Variants in GREB1L observed in about 807,000 individuals in gnomAD.
GREB1L encodes the protein GREB1-like protein.
GREB1L carries 17 observed loss-of-function variants against 200.8 expected under a neutral mutation model. The observed-to-expected ratio is 0.08, with a 90% CI of 0.06 to 0.13. The LOEUF is 0.13. Among genes scored for constraint, GREB1L ranks in the 10% least tolerant of loss-of-function variants. The pLI is 1.00. For missense variants in GREB1L, 1,657 were observed against 2,367.7 expected (o/e 0.70, Z 6.23); for synonymous variants, 789 against 893.0 (o/e 0.88, Z 2.08).
chr18:21,247,947 T>C (rs1353682983), intron 1 of GREB1L, among the ~76,000 whole-genome samples: 2 of 152,174 alleles, frequency 1.3e-5, no homozygotes, highest in Non-Finnish European at 2.9e-5. Flanking sequence ...CTTCTGATAC[T>C]GAAGCACTGT....
chr18:21,441,044 C>T (rs1338724956), intron 9 of GREB1L, among the ~76,000 whole-genome samples: 1 of 152,186 alleles, frequency 6.6e-6, no homozygotes, highest in African/African-American at 2.4e-5. Context: ...TCCTTCTTCA[C>T]ACTTTTCTAT....
intron 2 of GREB1L, among the ~76,000 whole-genome samples, chr18:21,368,398 A>G (rs1473553534): frequency 6.6e-6 from 1 of 152,228 alleles, no homozygotes; most frequent in Non-Finnish European, 1.5e-5. Flanking sequence ...AAGAAGATGG[A>G]AAGACAGGAG....
At chr18:21,469,068 A>G in intron 15 of GREB1L, among the ~76,000 whole-genome samples, 1 of 152,194 alleles carries the variant, frequency 6.6e-6, no homozygotes, top group East Asian at 1.9e-4. Context: ...GTGATTTAAA[A>G]TCTTGTGGAA....
intron 23 of GREB1L, among the ~76,000 whole-genome samples, chr18:21,505,206 C>T (rs556707390): frequency 4.6e-5 from 7 of 152,162 alleles, no homozygotes; most frequent in Non-Finnish European, 7.4e-5. Flanking sequence ...TCTGCAGAGA[C>T]GAATGCTGGG....
At chr18:21,344,644 A>G (rs2039318331) in intron 1 of GREB1L, among the ~76,000 whole-genome samples, 1 of 152,358 alleles carries the variant, frequency 6.6e-6, no homozygotes, top group African/African-American at 2.4e-5. Flanking sequence ...AAAAATGAAT[A>G]AAACACAAAC....
At chr18:21,412,850 C>G (rs1479993031) in intron 7 of GREB1L, among the ~76,000 whole-genome samples, 5 of 151,894 alleles carry the variant, frequency 3.3e-5, no homozygotes, top group Admixed American at 6.5e-5. Flanking sequence ...CACCCCCCCC[C>G]ACCACCAAAC....
chr18:21,421,150 G>T (rs2032114969), intron 7 of GREB1L, among the ~76,000 whole-genome samples: 1 of 152,246 alleles, frequency 6.6e-6, no homozygotes, highest in South Asian at 2.1e-4. Flanking sequence ...ATTACAAAGA[G>T]GTACAAGGAA....
At chr18:21,329,783 C>CT (rs2039079639) in intron 1 of GREB1L, among the ~76,000 whole-genome samples, 1 of 152,148 alleles carries the variant, frequency 6.6e-6, no homozygotes, top group African/African-American at 2.4e-5. Context: ...TCCTCTGCTG[C>CT]TGAGGGAACA....
intron 21 of GREB1L, among the ~76,000 whole-genome samples, chr18:21,497,097 G>A (rs1428453087): frequency 6.6e-6 from 1 of 152,142 alleles, no homozygotes; most frequent in African/African-American, 2.4e-5. Context: ...GGCACAAAAT[G>A]TTTCCTAGAA....
chr18:21,291,167 C>A (rs1002278071), intron 1 of GREB1L, among the ~76,000 whole-genome samples: 2 of 152,188 alleles, frequency 1.3e-5, no homozygotes, highest in African/African-American at 4.8e-5. Flanking sequence ...TCCCCCCAGG[C>A]AGTACCCTAG....
rs374309372 is a variant in GREB1L, at chr18:21,496,652, C to A, written c.3345C>A (p.Asp1115Glu). ...SENDSDELLIDLERPQSNSSA... is the reference protein window; with the variant it reads ...SENDSDELLIELERPQSNSSA... ...ATGACTCCGATGAGCTGCTCATCGA[C>A]CTGGAGCGGCCCCAGAGCAACAGCA... is the stretch of plus-strand genomic sequence containing the variant. Residue 1115 changes from aspartate to glutamate, a missense_variant, in exon 21 of 33, where the codon GAC (aspartate) becomes GAA (glutamate). Asp to Glu is a conservative substitution (Grantham distance 45). Coordinates refer to ENST00000424526, the MANE Select transcript of GREB1L (RefSeq NM_001142966.3). The A allele has an allele frequency of 9.5e-5, 148 of 1,551,608 alleles. No homozygotes were observed. In the African/African-American group the frequency reaches 2.0e-3, roughly 21 times the overall value.
At chr18:21,379,276 G>A (rs1041704836) in intron 2 of GREB1L, among the ~76,000 whole-genome samples, 1 of 152,018 alleles carries the variant, frequency 6.6e-6, no homozygotes, top group Non-Finnish European at 1.5e-5. Flanking sequence ...GCATGATCTT[G>A]GCTCACCACA....
chr18:21,396,661 C>A (rs2041079039), intron 5 of GREB1L, among the ~76,000 whole-genome samples: 2 of 152,110 alleles, frequency 1.3e-5, no homozygotes, highest in Admixed American at 1.3e-4. Flanking sequence ...CATTAGTTCA[C>A]CCAAAATAAC....
chr18:21,464,866 A>G (rs1487074608), intron 15 of GREB1L, among the ~76,000 whole-genome samples: 2 of 152,234 alleles, frequency 1.3e-5, no homozygotes, highest in Non-Finnish European at 2.9e-5. Flanking sequence ...TTAAAAAATA[A>G]TGTCATGAAA....
In GREB1L at chr18:21,522,922, C is replaced by A; in HGVS notation, c.*101C>A. 1 of 1,036,378 alleles carries A rather than the reference C, an allele frequency of 9.6e-7. No homozygotes were observed. The highest frequency in any genetic ancestry group is 1.4e-6 in the Non-Finnish European group (1 of 733,468). 64.2% of individuals were successfully genotyped at this position (1,036,378 alleles called of 1,614,324 possible). On this transcript the variant is annotated 3_prime_UTR_variant, in exon 33 of 33. Coordinates refer to ENST00000424526, the MANE Select transcript of GREB1L (RefSeq NM_001142966.3). ...CCTTTAAAGTACAATCACTGTGGAG[C>A]AAAGTGCAACATATTTGTCTAAATT...
intron 28 of GREB1L, 91 bp from the exon 29 acceptor site, chr18:21,515,326 A>G: frequency 1.2e-6 from 1 of 826,548 alleles, no homozygotes; most frequent in Non-Finnish European, 1.9e-6. Flanking sequence ...CCTTGAGAGT[A>G]TTACTGGTAT....
At chr18:21,515,169 C>CT (rs1314557185) in intron 28 of GREB1L, among the ~76,000 whole-genome samples, 24 of 152,232 alleles carry the variant, frequency 1.6e-4, no homozygotes, top group Admixed American at 1.6e-3. Flanking sequence ...ACTGTTCACT[C>CT]TGACACAGGC....
chr18:21,490,242 G>T lies in GREB1L; in HGVS notation c.2921G>T (p.Arg974Leu). The stretch of plus-strand genomic sequence containing the variant: ...CAGCTGGCGATGTTAGCCAAGGAGC[G>T]GCTACAGGAGGTGCGCGACAAACTG... The part of the protein sequence containing the change: ...SVQLAMLAKE[R>L]LQEVRDKLGL... The change falls in exon 19 of 33, where the codon CGG becomes CTG. Residue 974 changes from arginine to leucine, a missense_variant. Arg to Leu is a moderately radical substitution (Grantham distance 102, BLOSUM62 -2). This residue lies in a region of GREB1L where 512 missense variants were observed against 668.3 expected (regional missense o/e 0.77). Transcript: ENST00000424526. 6.4e-7 allele frequency: 1 copy of T among 1,551,744 alleles called. No individual in the cohort carries two copies. The highest frequency in any genetic ancestry group is 8.7e-7 in the Non-Finnish European group (1 of 1,147,022).
chr18:21,403,163 G>C (rs529204202), intron 6 of GREB1L, among the ~76,000 whole-genome samples: 86 of 152,016 alleles, frequency 5.7e-4, no homozygotes, highest in African/African-American at 1.9e-3. Flanking sequence ...AGACGAATAG[G>C]GTAAAATTTG....
Sources: gnomAD v4.1 joint callset for allele counts (sites outside exome capture counted in the v4.1 genomes callset) on GRCh38, gnomAD v4.1.1 for gene constraint, gnomAD v4.1.1 regional missense constraint, MANE v1.5 for transcripts, NCBI Gene and HGNC (gene_info 2026-07-23, HGNC 2026-07-21) for gene names.